RSRC1: variants seen among roughly 807,000 people sequenced by gnomAD.
RSRC1 encodes arginine and serine rich coiled-coil 1, also known as serine/Arginine-related protein 53.
Under a neutral mutation model 49.1 loss-of-function variants are expected in RSRC1, and 39 were observed. The observed-to-expected ratio is 0.79, with a 90% confidence interval of 0.61 to 1.04. The LOEUF is 1.04. Among genes scored for constraint, RSRC1 ranks in the 50% least tolerant of loss-of-function variants. The pLI, the probability that RSRC1 is intolerant of heterozygous loss-of-function variation, is 0.00. For synonymous variants in RSRC1, 143 were observed against 130.8 expected (o/e 1.09, Z -0.63); for missense variants, 388 against 402.4 (o/e 0.96, Z 0.31).
At chr3:158,354,284 C>T (rs975442551) in intron 5 of RSRC1, among the ~76,000 whole-genome samples, 3 of 152,106 alleles carry the variant, frequency 2.0e-5, no homozygotes, top group South Asian at 2.1e-4. Context: ...CCACTGCGTC[C>T]GGCTGGAAAT....
At chr3:158,495,522 G>A (rs895136841) in intron 7 of RSRC1, among the ~76,000 whole-genome samples, 3 of 152,146 alleles carry the variant, frequency 2.0e-5, no homozygotes, top group Non-Finnish European at 4.4e-5. Flanking sequence ...CTGACCTCAA[G>A]TGATCCACCC....
At chr3:158,146,390 G>T (rs1379741889) in intron 3 of RSRC1, among the ~76,000 whole-genome samples, 1 of 152,054 alleles carries the variant, frequency 6.6e-6, no homozygotes, top group African/African-American at 2.4e-5. Flanking sequence ...AGATAATCAT[G>T]TGGTTTTTGT....
chr3:158,314,266 C>CT (rs930420485), intron 5 of RSRC1, among the ~76,000 whole-genome samples: 2 of 151,966 alleles, frequency 1.3e-5, no homozygotes, highest in African/African-American at 4.8e-5. Flanking sequence ...AATTTCTGTA[C>CT]TTTTTTAGTA....
At chr3:158,442,705 T>C (rs1736450229) in intron 6 of RSRC1, among the ~76,000 whole-genome samples, 1 of 152,122 alleles carries the variant, frequency 6.6e-6, no homozygotes, top group Non-Finnish European at 1.5e-5. Context: ...GCAAAATCCT[T>C]TCCAGAAGGT....
At chr3:158,520,932 C>G (rs898583629) in intron 7 of RSRC1, among the ~76,000 whole-genome samples, 1 of 152,060 alleles carries the variant, frequency 6.6e-6, no homozygotes, top group South Asian at 2.1e-4. Flanking sequence ...GCATGCTTAT[C>G]TAACATAACT....
At chr3:158,141,737 A>G (rs1421443538) in intron 3 of RSRC1, among the ~76,000 whole-genome samples, 1 of 152,154 alleles carries the variant, frequency 6.6e-6, no homozygotes, top group East Asian at 1.9e-4. Flanking sequence ...AGGGAATATA[A>G]AGCATTTGTG....
At chr3:158,415,859 G>T (rs2108329034) in intron 6 of RSRC1, among the ~76,000 whole-genome samples, 1 of 152,080 alleles carries the variant, frequency 6.6e-6, no homozygotes, top group Non-Finnish European at 1.5e-5. Context: ...TTTAAGATAT[G>T]TAATTTGAAC....
chr3:158,354,956 ACC>A (rs1407433523), intron 6 of RSRC1, 48 bp downstream of exon 6: 3 of 1,289,124 alleles, frequency 2.3e-6, no homozygotes, highest in Non-Finnish European at 3.2e-6. Context: ...TGACGAGTAA[ACC>A]CTAGGCTGGT....
chr3:158,144,546 T>C (rs1716959174), intron 3 of RSRC1, among the ~76,000 whole-genome samples: 2 of 152,208 alleles, frequency 1.3e-5, no homozygotes, highest in South Asian at 4.1e-4. Context: ...GATGGACATT[T>C]GGGTTGGTTC....
At chr3:158,343,608 T>G (rs1730374500) in intron 5 of RSRC1, among the ~76,000 whole-genome samples, 1 of 152,082 alleles carries the variant, frequency 6.6e-6, no homozygotes, top group Admixed American at 6.6e-5. Flanking sequence ...GTGAACATAT[T>G]AAGTAGAGAC....
chr3:158,492,489 T>G (rs1333030720), intron 7 of RSRC1, among the ~76,000 whole-genome samples: 2 of 152,344 alleles, frequency 1.3e-5, no homozygotes, highest in African/African-American at 4.8e-5. Context: ...TCTGGATAGC[T>G]GCAGATGATA....
chr3:158,446,923 C>T (rs1413600662), intron 6 of RSRC1, among the ~76,000 whole-genome samples: 1 of 151,930 alleles, frequency 6.6e-6, no homozygotes, highest in Non-Finnish European at 1.5e-5. Flanking sequence ...AAAGATTGCT[C>T]CAAAACCAGG....
At chr3:158,229,804 G>C (rs986571118) in intron 4 of RSRC1, among the ~76,000 whole-genome samples, 4 of 151,814 alleles carry the variant, frequency 2.6e-5, no homozygotes, top group African/African-American at 9.7e-5. Context: ...ATGTATATTT[G>C]TCTGAACCAG....
intron 3 of RSRC1, among the ~76,000 whole-genome samples, chr3:158,138,482 C>G (rs539715322): frequency 1.1e-4 from 16 of 152,160 alleles, no homozygotes; most frequent in Admixed American, 2.6e-4. Flanking sequence ...GCTTTGTTTC[C>G]TGGGCAGGGC....
intron 6 of RSRC1, among the ~76,000 whole-genome samples, chr3:158,366,356 T>C (rs1385343567): frequency 2.0e-5 from 3 of 152,368 alleles, no homozygotes; most frequent in African/African-American, 7.2e-5. Flanking sequence ...GTTTCAGTTT[T>C]CTGCATATGG....
rs1367060857 is a variant in RSRC1 at position 158,119,589 on chromosome 3, T to TG, written c.-2-2514_-2-2513insG. The stretch of plus-strand genomic sequence containing the variant: ...AATTATTATCATTCAATTGTGTACA[T>TG]ATTTCTTAACATGGATATAAGTATA... On this transcript the variant is annotated intron_variant, in intron 1 of 9. Transcript: ENST00000611884. 3.9e-5 allele frequency among the ~76,000 whole-genome samples: 6 copies of TG among 152,046 alleles called. No individual in the cohort carries two copies. The South Asian group carries it at 1.2e-3, about 31-fold the overall frequency.
intron 7 of RSRC1, among the ~76,000 whole-genome samples, chr3:158,511,149 AC>A (rs1241538554): frequency 2.6e-5 from 4 of 151,972 alleles, no homozygotes; most frequent in Non-Finnish European, 2.9e-5. Flanking sequence ...GTACATGTGC[AC>A]AATGTGCAGG....
chr3:158,307,035 T>G (rs1410194181), intron 5 of RSRC1, among the ~76,000 whole-genome samples: 1 of 151,770 alleles, frequency 6.6e-6, no homozygotes, highest in Non-Finnish European at 1.5e-5. Flanking sequence ...AAATCTTTTG[T>G]GGCCAAGTGG....
intron 7 of RSRC1, among the ~76,000 whole-genome samples, chr3:158,495,137 C>T (rs1318691915): frequency 6.6e-6 from 1 of 152,142 alleles, no homozygotes; most frequent in Admixed American, 6.5e-5. Context: ...TTTTCAACCC[C>T]AGTATTATAA....
Sources: allele counts gnomAD v4.1 joint callset (sites outside exome capture counted in the v4.1 genomes callset), GRCh38; gene constraint gnomAD v4.1.1; transcripts MANE v1.5; gene names NCBI Gene and HGNC (gene_info 2026-07-23, HGNC 2026-07-21).